RHBDD1: variants seen among roughly 807,000 people sequenced by gnomAD.
RHBDD1 encodes the protein rhomboid domain containing 1.
In RHBDD1, 38 loss-of-function variants were observed where a neutral mutation model predicts 36.3. The observed-to-expected ratio is 1.05, with a 90% CI of 0.81 to 1.37. The LOEUF (loss-of-function observed/expected upper bound fraction) is 1.37, where lower values mean the gene tolerates loss of function less well. Ranked by LOEUF, RHBDD1 falls within the 40% of genes most tolerant of loss-of-function variation. RHBDD1 has a pLI of 0.00. For missense variants in RHBDD1, 393 were observed against 377.6 expected (o/e 1.04, Z -0.34); for synonymous variants, 151 against 136.5 (o/e 1.11, Z -0.74).
At position 226,927,677 on chromosome 2, in the gene RHBDD1, G is replaced by T. The variant is rs561660526; in HGVS notation, c.856+13326G>T. ...TTTTATCTTAGCCATTCAAATAGGC[G>T]TGAGGTTGCAGTTTTCATTTATATT... On this transcript the variant is annotated intron_variant, in intron 8 of 8. Transcript: ENST00000392062. Among the ~76,000 whole-genome samples, 18 of 152,160 alleles carry T rather than the reference G, an allele frequency of 1.2e-4. No homozygotes were observed. The South Asian group carries it at 3.7e-3, about 32-fold the overall frequency.
At chr2:226,918,211 G>C (rs1036569224) in intron 8 of RHBDD1, among the ~76,000 whole-genome samples, 1 of 151,668 alleles carries the variant, frequency 6.6e-6, no homozygotes, top group African/African-American at 2.4e-5. Context: ...TACATAGCAG[G>C]TGTATATATT....
At chr2:226,872,786 A>C (rs183199635) in intron 5 of RHBDD1, among the ~76,000 whole-genome samples, 3 of 152,164 alleles carry the variant, frequency 2.0e-5, no homozygotes, top group Admixed American at 2.0e-4. Context: ...CCAAAGTCCT[A>C]CTGATTATTT....
intron 3 of RHBDD1, among the ~76,000 whole-genome samples, chr2:226,859,185 G>A (rs1943608773): frequency 6.6e-6 from 1 of 152,042 alleles, no homozygotes; most frequent in Non-Finnish European, 1.5e-5. Context: ...AATACAATTG[G>A]CCCTCCACAT....
At chr2:226,821,450 G>A in the RHBDD1 span, among the ~76,000 whole-genome samples, 1 of 151,564 alleles carries the variant, frequency 6.6e-6, no homozygotes, top group South Asian at 2.1e-4. Flanking sequence ...TTTCACCCCT[G>A]CCCCCTGCCC....
chr2:226,834,951 T>C (rs1164793307), upstream of RHBDD1, among the ~76,000 whole-genome samples: 1 of 152,190 alleles, frequency 6.6e-6, no homozygotes, highest in Admixed American at 6.5e-5. Context: ...AATTTTTGTA[T>C]TTTTAGTAGA....
chr2:226,809,242 T>C, the RHBDD1 span, among the ~76,000 whole-genome samples: 3 of 152,110 alleles, frequency 2.0e-5, no homozygotes, highest in Non-Finnish European at 4.4e-5. Flanking sequence ...AGACACCATA[T>C]CAGGAAAAAG....
rs928365048 is a variant in RHBDD1 at position 226,852,249 on chromosome 2, T to C, written c.-90-12355T>C. On this transcript the variant is annotated intron_variant, in intron 3 of 8. Transcript: ENST00000392062. ...ATGATAGTATCATTTGAAATCACTT[T>C]CCCATAGTTAATTTAAAGTTCCGTT... Among the ~76,000 whole-genome samples the C allele has an allele frequency of 4.6e-5, 7 of 152,204 alleles. No homozygotes were observed. In the South Asian group the frequency reaches 1.4e-3, roughly 32 times the overall value.
At chr2:226,919,544 A>C (rs914325736) in intron 8 of RHBDD1, among the ~76,000 whole-genome samples, 2 of 152,094 alleles carry the variant, frequency 1.3e-5, no homozygotes, top group African/African-American at 4.8e-5. Context: ...GCATATGGAT[A>C]TCCAGTTCCC....
At chr2:226,823,609 G>A in the RHBDD1 span, among the ~76,000 whole-genome samples, 2 of 152,124 alleles carry the variant, frequency 1.3e-5, no homozygotes, top group African/African-American at 4.8e-5. Context: ...TATCTGCAAT[G>A]TACATGAAAA....
the RHBDD1 span, among the ~76,000 whole-genome samples, chr2:226,828,100 T>C: frequency 6.6e-6 from 1 of 152,212 alleles, no homozygotes; most frequent in Admixed American, 6.5e-5. Context: ...CAAAAAGTTT[T>C]CTCATGCTAA....
intron 8 of RHBDD1, among the ~76,000 whole-genome samples, chr2:226,924,068 G>A (rs936537418): frequency 6.6e-6 from 1 of 152,026 alleles, no homozygotes; most frequent in East Asian, 1.9e-4. Flanking sequence ...CTTTCCTTAA[G>A]CAGAAGGAGT....
At chr2:226,831,321 C>T (rs2124864742), upstream of RHBDD1, among the ~76,000 whole-genome samples, 1 of 152,258 alleles carries the variant, frequency 6.6e-6, no homozygotes, top group African/African-American at 2.4e-5. Flanking sequence ...ATGGGTTGAA[C>T]TGTGTCATCC....
chr2:226,893,633 A>G (rs1156238451), intron 5 of RHBDD1, among the ~76,000 whole-genome samples: 2 of 152,226 alleles, frequency 1.3e-5, no homozygotes, highest in African/African-American at 2.4e-5. Context: ...CAATTCAGCA[A>G]ACATTTAATA....
At chr2:226,958,626 T>C (rs920214043) in intron 8 of RHBDD1, among the ~76,000 whole-genome samples, 1 of 151,722 alleles carries the variant, frequency 6.6e-6, no homozygotes, top group Non-Finnish European at 1.5e-5. Flanking sequence ...ATCATCCTAA[T>C]AATAGAGGAG....
At chr2:226,883,406 A>G (rs961508604) in intron 5 of RHBDD1, among the ~76,000 whole-genome samples, 2 of 152,242 alleles carry the variant, frequency 1.3e-5, no homozygotes, top group African/African-American at 4.8e-5. Context: ...GGGGCCAGCC[A>G]TGGAGGACTC....
rs1444194446 is a variant in RHBDD1 at position 226,998,413 on chromosome 2, G to A, written c.*2891G>A. 1.3e-5 allele frequency: 2 copies of A among 152,190 alleles called. No individual in the cohort carries two copies. Among genetic ancestry groups the A allele is most frequent in the Admixed American group, 6.5e-5 (1 of 15,276 alleles). 9.4% of individuals were successfully genotyped at this position (152,190 alleles called of 1,614,324 possible). On this transcript the variant is annotated 3_prime_UTR_variant, in exon 9 of 9. Transcript: ENST00000392062. ...CCTGGAAATTGCACTGCAAGGCAGG[G>A]CGAGAATGGGGTAGCTGGCAGACCT...
chr2:226,965,199 A>G (rs1559319035), intron 8 of RHBDD1, among the ~76,000 whole-genome samples: 1 of 152,196 alleles, frequency 6.6e-6, no homozygotes, highest in Non-Finnish European at 1.5e-5. Context: ...GAGCCATGTG[A>G]AGACAGATTG....
At chr2:226,860,436 AATTT>A (rs2125177436) in intron 3 of RHBDD1, among the ~76,000 whole-genome samples, 1 of 152,256 alleles carries the variant, frequency 6.6e-6, no homozygotes, top group East Asian at 1.9e-4. Context: ...GCACTCTAAA[AATTT>A]CTATGTATTT....
intron 8 of RHBDD1, among the ~76,000 whole-genome samples, chr2:226,934,617 A>G (rs777505569): frequency 3.9e-5 from 6 of 152,142 alleles, no homozygotes; most frequent in Non-Finnish European, 5.9e-5. Flanking sequence ...TGAAATTTAT[A>G]TTATTTCAAG....
Sources: gnomAD v4.1 joint callset for allele counts (sites outside exome capture counted in the v4.1 genomes callset) on GRCh38, gnomAD v4.1.1 for gene constraint, MANE v1.5 for transcripts, NCBI Gene and HGNC (gene_info 2026-07-23, HGNC 2026-07-21) for gene names.